The following S100Z variants were observed in gnomAD, a reference collection of about 807,000 sequenced individuals.
The protein encoded by S100Z is S100 calcium binding protein Z.
S100Z carries 11 observed loss-of-function variants against 8.5 expected under a neutral mutation model. The ratio of observed to expected loss-of-function variants is 1.30; its 90% CI spans 0.82 to 2.15. The LOEUF is 2.15. Ranked by LOEUF, S100Z falls within the 30% of genes most tolerant of loss-of-function variation. The pLI, the probability that S100Z is intolerant of heterozygous loss-of-function variation, is 0.00. For missense variants in S100Z, 126 were observed against 117.9 expected (o/e 1.07, Z -0.32); for synonymous variants, 34 against 43.8 (o/e 0.78, Z 0.89).
At chr5:76,865,823 G>GTGAAACC (rs1751254536) in intron 1 of S100Z, among the ~76,000 whole-genome samples, 1 of 150,458 alleles carries the variant, frequency 6.6e-6, no homozygotes, top group Non-Finnish European at 1.5e-5. Context: ...GACCAGCCTG[G>GTGAAACC]CCAACATGGT....
At chr5:76,943,793 C>T in the S100Z span, among the ~76,000 whole-genome samples, 2 of 152,082 alleles carry the variant, frequency 1.3e-5, no homozygotes, top group Non-Finnish European at 2.9e-5. Context: ...TGCTCCCAGC[C>T]AGGGGTCCAG....
chr5:76,864,434 C>T (rs936110801), intron 1 of S100Z, among the ~76,000 whole-genome samples: 1 of 110,994 alleles, frequency 9.0e-6, no homozygotes, highest in Non-Finnish European at 1.7e-5. Flanking sequence ...TGGAGTCTCA[C>T]TCGGTCACCC....
Position 76,864,382 on chromosome 5 carries a change from CTA to C in S100Z, c.-175-5780_-175-5779del, listed in dbSNP as rs1259617521. ...CAGCTATGTTACTGCTTAATGCATACTATATTTTTTTTTTTTTTTTTTTTTTT... is the reference window on the plus strand; with the variant it reads ...CAGCTATGTTACTGCTTAATGCATACTATTTTTTTTTTTTTTTTTTTTTTT... On this transcript the variant is annotated intron_variant, in intron 1 of 4. Coordinates refer to ENST00000317593, the MANE Select transcript of S100Z (RefSeq NM_130772.4). Among the ~76,000 whole-genome samples, 200 of 127,744 alleles carry C rather than the reference CTA, an allele frequency of 1.6e-3. 1 individual carries two copies. Among genetic ancestry groups the C allele is most frequent in the Middle Eastern group, 4.6e-3 (1 of 218 alleles). The allele number at this position is 127,744 out of a possible 152,430, so 83.8% of individuals were successfully genotyped here. A position where few individuals can be genotyped will look rare whatever the true frequency, so the allele number is the denominator to read the frequency against.
chr5:76,898,232 C>A (rs2150667621), intron 4 of S100Z, among the ~76,000 whole-genome samples: 1 of 151,884 alleles, frequency 6.6e-6, no homozygotes, highest in South Asian at 2.1e-4. Context: ...CTCACTGCAA[C>A]CTCCACCTCC....
chr5:76,884,708 C>T (rs965223840), intron 4 of S100Z, among the ~76,000 whole-genome samples: 2 of 152,112 alleles, frequency 1.3e-5, no homozygotes, highest in East Asian at 1.9e-4. Context: ...CGGAACAAAA[C>T]TGTAAACCAG....
the S100Z span, among the ~76,000 whole-genome samples, chr5:76,938,011 T>C: frequency 2.0e-5 from 3 of 151,806 alleles, no homozygotes; most frequent in African/African-American, 7.3e-5. Flanking sequence ...AGGCAAGAGT[T>C]TGAACCCAGC....
At chr5:76,939,977 G>C in the S100Z span, among the ~76,000 whole-genome samples, 5 of 151,760 alleles carry the variant, frequency 3.3e-5, no homozygotes, top group Admixed American at 2.0e-4. Flanking sequence ...GACCAACATG[G>C]TGAAACCCAT....
At chr5:76,917,352 C>T (rs1744886090) in intron 4 of S100Z, among the ~76,000 whole-genome samples, 2 of 152,078 alleles carry the variant, frequency 1.3e-5, no homozygotes, top group Admixed American at 6.6e-5. Context: ...ATATACTATT[C>T]ATAGATAGTC....
At chr5:76,878,503 C>A (rs970459750) in intron 4 of S100Z, among the ~76,000 whole-genome samples, 2 of 152,200 alleles carry the variant, frequency 1.3e-5, no homozygotes, top group African/African-American at 4.8e-5. Flanking sequence ...CCAAGGGAGG[C>A]CACCTTTTCT....
chr5:76,898,786 G>T (rs932709914), intron 4 of S100Z, among the ~76,000 whole-genome samples: 11 of 152,008 alleles, frequency 7.2e-5, no homozygotes, highest in Non-Finnish European at 1.6e-4. Flanking sequence ...TTTGGTTTTG[G>T]TATCAGGGTA....
intron 4 of S100Z, among the ~76,000 whole-genome samples, chr5:76,912,110 C>G (rs1744685600): frequency 6.6e-6 from 1 of 152,096 alleles, no homozygotes; most frequent in Admixed American, 6.6e-5. Flanking sequence ...CAGAGGCTAT[C>G]AAAATAATAC....
chr5:76,903,588 T>G (rs370592924), intron 4 of S100Z, among the ~76,000 whole-genome samples: 25 of 152,190 alleles, frequency 1.6e-4, no homozygotes, highest in African/African-American at 5.6e-4. Context: ...GGTAGTATGG[T>G]ATCATTATAT....
chr5:76,906,001 T>C lies in S100Z; in HGVS notation c.*3-14716T>C, dbSNP rs1744410904. ...GTGACACCACACCCAGCTAATTTTTTGTCTTTTTAATAGAGACAGGATGTC... is the reference window on the plus strand; with the variant it reads ...GTGACACCACACCCAGCTAATTTTTCGTCTTTTTAATAGAGACAGGATGTC... On this transcript the variant is annotated intron_variant, in intron 4 of 4. Transcript: ENST00000317593. 3.3e-5 allele frequency among the ~76,000 whole-genome samples: 5 copies of C among 152,258 alleles called. No homozygotes were observed. The South Asian group carries it at 8.3e-4, about 25-fold the overall frequency.
intron 1 of S100Z, among the ~76,000 whole-genome samples, chr5:76,863,680 A>T (rs1309310531): frequency 2.0e-5 from 3 of 151,946 alleles, no homozygotes; most frequent in Non-Finnish European, 4.4e-5. Flanking sequence ...CTGGGACTAC[A>T]GGCACCCGCC....
At chr5:76,867,596 C>CTTTT (rs746426436) in intron 1 of S100Z, among the ~76,000 whole-genome samples, 1 of 126,778 alleles carries the variant, frequency 7.9e-6, no homozygotes, top group Non-Finnish European at 1.7e-5. Context: ...TTTTTTTTTT[C>CTTTT]TTTTTTTTTT....
In S100Z at chr5:76,873,856, C is replaced by G. The variant is rs191484647; in HGVS notation, c.-56-1448C>G. Among the ~76,000 whole-genome samples, 46 of 152,310 alleles carry G rather than the reference C, an allele frequency of 3.0e-4. 1 individual carries two copies. The highest frequency in any genetic ancestry group is 2.9e-3 in the Admixed American group (44 of 15,300). ...TCTGGCTTTGGTTTTTACATGGACT[C>G]TTTCTTTATTAAGTTTCTCTCACTT... On this transcript the variant is annotated intron_variant, in intron 2 of 4. Coordinates refer to ENST00000317593, the MANE Select transcript of S100Z (RefSeq NM_130772.4).
chr5:76,938,718 G>A, the S100Z span, among the ~76,000 whole-genome samples: 4 of 152,034 alleles, frequency 2.6e-5, no homozygotes, highest in Non-Finnish European at 4.4e-5. Context: ...TAGTTTTTAC[G>A]TCTATGTGTG....
At chr5:76,852,927 G>T (rs1399983013) in intron 1 of S100Z, among the ~76,000 whole-genome samples, 1 of 152,194 alleles carries the variant, frequency 6.6e-6, no homozygotes, top group East Asian at 1.9e-4. Context: ...TGGGATGACT[G>T]CTTAGGCAAG....
intron 1 of S100Z, among the ~76,000 whole-genome samples, chr5:76,855,144 C>T (rs1167684671): frequency 6.6e-6 from 1 of 152,206 alleles, no homozygotes; most frequent in Non-Finnish European, 1.5e-5. Flanking sequence ...AAGACTGCCC[C>T]AGGAATGGAG....
Sources: allele counts gnomAD v4.1 joint callset (sites outside exome capture counted in the v4.1 genomes callset), GRCh38; gene constraint gnomAD v4.1.1; transcripts MANE v1.5; gene names NCBI Gene and HGNC (gene_info 2026-07-23, HGNC 2026-07-21).